Variants in GPHN observed in about 807,000 individuals in gnomAD.
GPHN encodes the protein gephyrin.
GPHN carries 17 observed loss-of-function variants against 95.5 expected under a neutral mutation model. The observed-to-expected ratio is 0.18, with a 90% CI of 0.12 to 0.27. The LOEUF (loss-of-function observed/expected upper bound fraction) is 0.27. Ranked by LOEUF, GPHN falls within the 10% of genes least tolerant of loss-of-function variation. The pLI is 1.00. For synonymous variants in GPHN, 320 were observed against 322.5 expected (o/e 0.99, Z 0.08); for missense variants, 660 against 978.1 (o/e 0.67, Z 4.34).
chr14:67,669,171 G>A, the GPHN span, among the ~76,000 whole-genome samples: 1 of 152,192 alleles, frequency 6.6e-6, no homozygotes, highest in East Asian at 1.9e-4. Context: ...AGGTCACACT[G>A]CTACTAGAAG....
At chr14:66,712,214 A>G (rs992781043) in intron 2 of GPHN, among the ~76,000 whole-genome samples, 67 of 152,208 alleles carry the variant, frequency 4.4e-4, no homozygotes, top group African/African-American at 1.6e-3. Flanking sequence ...CCAACAGTGT[A>G]AAAGCATTAC....
Position 67,119,318 on chromosome 14 carries a change from C to T in GPHN, c.1627-2938C>T, listed in dbSNP as rs17183641. 6.6e-3 allele frequency among the ~76,000 whole-genome samples: 1,009 copies of T among 152,238 alleles called. 12 individuals are homozygous for T. The highest frequency in any genetic ancestry group is 0.029 in the Admixed American group (443 of 15,290). ...TTCTCAGAAGGAAATAGTTTGTAGG[C>T]AAGGCAGCCAATTATAAGGCTTTCA... On this transcript the variant is annotated intron_variant, in intron 16 of 22. Transcript: ENST00000478722.
At chr14:67,307,902 A>G in the GPHN span, among the ~76,000 whole-genome samples, 1 of 152,210 alleles carries the variant, frequency 6.6e-6, no homozygotes, top group Non-Finnish European at 1.5e-5. Context: ...GAATGCAGCC[A>G]TAAAAAAATG....
At chr14:66,778,250 A>G (rs2059460032) in intron 3 of GPHN, among the ~76,000 whole-genome samples, 1 of 152,222 alleles carries the variant, frequency 6.6e-6, no homozygotes, top group African/African-American at 2.4e-5. Context: ...TAAAATACCT[A>G]GGAATCCAAC....
the GPHN span, among the ~76,000 whole-genome samples, chr14:67,308,950 G>A: frequency 6.6e-6 from 1 of 151,908 alleles, no homozygotes; most frequent in South Asian, 2.1e-4. Flanking sequence ...CATTATCCCT[G>A]TACCCTATCC....
At chr14:67,301,867 C>A in the GPHN span, 2 of 1,248,974 alleles carry the variant, frequency 1.6e-6, no homozygotes, top group Non-Finnish European at 2.2e-6. Flanking sequence ...AATTATAACA[C>A]TTTTAAAGAT....
chr14:66,848,702 C>T (rs1596133623), intron 4 of GPHN, among the ~76,000 whole-genome samples: 1 of 151,746 alleles, frequency 6.6e-6, no homozygotes, highest in African/African-American at 2.4e-5. Context: ...GAAAAGATGA[C>T]GTTCATCTTT....
intron 2 of GPHN, among the ~76,000 whole-genome samples, chr14:66,730,856 T>C (rs1368768616): frequency 6.6e-6 from 1 of 152,234 alleles, no homozygotes; most frequent in Admixed American, 6.5e-5. Flanking sequence ...GGTTTGGCTC[T>C]GTGCCCCTAC....
intron 1 of GPHN, among the ~76,000 whole-genome samples, chr14:66,657,726 C>A (rs1410266026): frequency 6.6e-6 from 1 of 152,076 alleles, no homozygotes; most frequent in Non-Finnish European, 1.5e-5. Context: ...TACTTTAAGT[C>A]CACTGTTGAG....
At chr14:67,714,551 A>G in the GPHN span, 1 of 162,508 alleles carries the variant, frequency 6.2e-6, no homozygotes, top group Admixed American at 5.8e-5. Context: ...CAAAATGAGG[A>G]ACACTAAGGG....
intron 8 of GPHN, among the ~76,000 whole-genome samples, chr14:66,932,183 G>T (rs896307916): frequency 2.6e-5 from 4 of 152,114 alleles, no homozygotes; most frequent in African/African-American, 9.7e-5. Flanking sequence ...AGATTACCAG[G>T]CAGAGTCTTG....
At chr14:67,163,649 G>A (rs1376397470) in intron 19 of GPHN, among the ~76,000 whole-genome samples, 2 of 152,104 alleles carry the variant, frequency 1.3e-5, no homozygotes, top group African/African-American at 4.8e-5. Context: ...CAGTGTCACT[G>A]TATTATTGCA....
chr14:66,958,508 C>A (rs1228514252), intron 8 of GPHN, among the ~76,000 whole-genome samples: 1 of 152,094 alleles, frequency 6.6e-6, no homozygotes, highest in Non-Finnish European at 1.5e-5. Flanking sequence ...ATTACACAAA[C>A]CTAGATGGTA....
At chr14:67,198,462 T>TA in the GPHN span, 2 of 764,532 alleles carry the variant, frequency 2.6e-6, no homozygotes, top group Middle Eastern at 3.9e-4. Flanking sequence ...TTGGGAACTT[T>TA]AAAAAACCTG....
chr14:66,766,968 G>C (rs186286812), intron 2 of GPHN, among the ~76,000 whole-genome samples: 2 of 151,850 alleles, frequency 1.3e-5, no homozygotes, highest in African/African-American at 2.4e-5. Context: ...CCTGTTGATG[G>C]CTTTCAATAT....
At chr14:67,654,467 G>A in the GPHN span, among the ~76,000 whole-genome samples, 47 of 152,120 alleles carry the variant, frequency 3.1e-4, no homozygotes, top group African/African-American at 1.0e-3. Context: ...AATCTACCTG[G>A]TATGTTCAAA....
the GPHN span, chr14:67,333,537 A>ATGTC: frequency 5.3e-4 from 81 of 152,736 alleles, no homozygotes; most frequent in African/African-American, 1.8e-3. Flanking sequence ...ATTCATTTAT[A>ATGTC]TGTCTTTTGA....
intron 4 of GPHN, among the ~76,000 whole-genome samples, chr14:66,836,891 G>C (rs1049644453): frequency 1.3e-4 from 20 of 151,368 alleles, no homozygotes; most frequent in African/African-American, 4.4e-4. Context: ...AAACCACAAT[G>C]AGATACCATC....
chr14:67,072,483 T>C (rs1021291486), intron 11 of GPHN, among the ~76,000 whole-genome samples: 6 of 152,060 alleles, frequency 3.9e-5, no homozygotes, highest in Non-Finnish European at 7.4e-5. Context: ...GTAAAGACTT[T>C]GCAACTCCTA....
Sources: allele counts gnomAD v4.1 joint callset (sites outside exome capture counted in the v4.1 genomes callset), GRCh38; gene constraint gnomAD v4.1.1; transcripts MANE v1.5; gene names NCBI Gene and HGNC (gene_info 2026-07-23, HGNC 2026-07-21).